The following FTCDNL1 variants were observed in gnomAD, a reference collection of about 807,000 sequenced individuals.
The protein encoded by FTCDNL1 is formiminotransferase N-terminal subdomain-containing protein.
FTCDNL1 carries 11 observed loss-of-function variants against 5.9 expected under a neutral mutation model. That is an observed-to-expected ratio of 1.87 (90% confidence interval 1.18 to 3.10). The LOEUF (loss-of-function observed/expected upper bound fraction) is 3.10, where lower values mean the gene tolerates loss of function less well. FTCDNL1 is among the 30% of genes most tolerant of loss of function. The pLI is 0.00. For synonymous variants in FTCDNL1, 58 were observed against 24.8 expected, an observed-to-expected ratio of 2.34 and a Z score of -3.99; for missense variants, 115 against 65.5, an observed-to-expected ratio of 1.76 and a Z score of -2.61.
At chr2:199,675,863 A>T in the FTCDNL1 span, among the ~76,000 whole-genome samples, 1 of 152,136 alleles carries the variant, frequency 6.6e-6, no homozygotes, top group African/African-American at 2.4e-5. Context: ...GGATCCTCCC[A>T]CCTTAGCCTC....
At chr2:199,740,548 A>G in the FTCDNL1 span, among the ~76,000 whole-genome samples, 7 of 152,184 alleles carry the variant, frequency 4.6e-5, no homozygotes, top group Non-Finnish European at 1.0e-4. Context: ...AGGACATTCC[A>G]TAGGTGCCCT....
the FTCDNL1 span, among the ~76,000 whole-genome samples, chr2:199,740,789 G>A: frequency 6.6e-6 from 1 of 152,210 alleles, no homozygotes. Context: ...CGAAAGGGAG[G>A]TGGCAGTCCT....
intron 3 of FTCDNL1, among the ~76,000 whole-genome samples, chr2:199,764,250 T>G (rs187191591): frequency 9.1e-4 from 138 of 152,284 alleles, no homozygotes; most frequent in Non-Finnish European, 1.7e-3. Context: ...CACTACCAAA[T>G]TACTAAAACA....
the FTCDNL1 span, among the ~76,000 whole-genome samples, chr2:199,735,115 G>GGAAAAAA: frequency 1.2e-5 from 1 of 81,600 alleles, no homozygotes; most frequent in Non-Finnish European, 2.4e-5. Flanking sequence ...ACTACCTTTA[G>GGAAAAAA]AAAAAAAAAA....
chr2:199,755,891 C>CT (rs754004205), downstream of FTCDNL1, among the ~76,000 whole-genome samples: 35 of 152,316 alleles, frequency 2.3e-4, no homozygotes, highest in Non-Finnish European at 3.7e-4. Context: ...TAAATATTAG[C>CT]TTCTGTTATT....
the FTCDNL1 span, among the ~76,000 whole-genome samples, chr2:199,677,094 T>G: frequency 6.6e-6 from 1 of 152,216 alleles, no homozygotes; most frequent in Non-Finnish European, 1.5e-5. Flanking sequence ...CGTGTTGAGG[T>G]ACTACGGAGT....
chr2:199,770,806 T>C (rs149892331), intron 3 of FTCDNL1, among the ~76,000 whole-genome samples: 1 of 152,232 alleles, frequency 6.6e-6, no homozygotes, highest in African/African-American at 2.4e-5. Flanking sequence ...AGCTACATGC[T>C]GAATAGAAAA....
the FTCDNL1 span, among the ~76,000 whole-genome samples, chr2:199,747,062 CACAT>C: frequency 1.2e-3 from 162 of 131,614 alleles, 1 homozygote; most frequent in African/African-American, 3.2e-3. Flanking sequence ...CACACACACA[CACAT>C]ACACACACAA....
chr2:199,711,835 G>C, the FTCDNL1 span, among the ~76,000 whole-genome samples: 2 of 152,234 alleles, frequency 1.3e-5, no homozygotes, highest in East Asian at 1.9e-4. Flanking sequence ...TGGAATTAGA[G>C]AGTCATGATG....
chr2:199,706,508 A>G, the FTCDNL1 span, among the ~76,000 whole-genome samples: 1 of 152,334 alleles, frequency 6.6e-6, no homozygotes, highest in Non-Finnish European at 1.5e-5. Context: ...CATTTTAACT[A>G]CAGATGGAGG....
At chr2:199,709,335 A>G in the FTCDNL1 span, among the ~76,000 whole-genome samples, 1 of 152,216 alleles carries the variant, frequency 6.6e-6, no homozygotes, top group African/African-American at 2.4e-5. Context: ...TTGTATGGGG[A>G]TAATGCTCCT....
At chr2:199,676,070 A>G in the FTCDNL1 span, among the ~76,000 whole-genome samples, 5,097 of 152,288 alleles carry the variant, frequency 0.033, 268 homozygotes, top group African/African-American at 0.12. Context: ...TTTTAAGGAC[A>G]CATCTCAGAA....
At chr2:199,773,802 A>G (rs1698930526) in intron 3 of FTCDNL1, among the ~76,000 whole-genome samples, 2 of 152,128 alleles carry the variant, frequency 1.3e-5, no homozygotes, top group Admixed American at 1.3e-4. Context: ...TCATTATGAT[A>G]ATTGCATTGC....
At chr2:199,797,693 AG>A (rs1183950562) in intron 3 of FTCDNL1, among the ~76,000 whole-genome samples, 1 of 152,196 alleles carries the variant, frequency 6.6e-6, no homozygotes, top group Non-Finnish European at 1.5e-5. Context: ...CTGCATTTCA[AG>A]TGTTTGAGAG....
At chr2:199,752,748 G>C in the FTCDNL1 span, among the ~76,000 whole-genome samples, 33 of 61,680 alleles carry the variant, frequency 5.4e-4, no homozygotes, top group African/African-American at 1.3e-3. Context: ...CTCTGTGTGT[G>C]TGTGTGTGTG....
intron 3 of FTCDNL1, among the ~76,000 whole-genome samples, chr2:199,802,607 A>G (rs1231062613): frequency 6.6e-6 from 1 of 152,164 alleles, no homozygotes; most frequent in Non-Finnish European, 1.5e-5. Context: ...TGATTTAAAT[A>G]CTGATGGGGA....
chr2:199,836,600 C>T (rs573858892), intron 3 of FTCDNL1, among the ~76,000 whole-genome samples: 1 of 152,052 alleles, frequency 6.6e-6, no homozygotes, highest in Non-Finnish European at 1.5e-5. Context: ...AGACCCCATC[C>T]TACAAAAAAT....
rs201417430 is a variant in FTCDNL1, at chr2:199,776,927, T to TAC, written c.212-16094_212-16093dup. 9.1e-3 allele frequency among the ~76,000 whole-genome samples: 1,338 copies of TAC among 147,528 alleles called. 24 individuals are homozygous for TAC. Among genetic ancestry groups the TAC allele is most frequent in the African/African-American group, 0.03 (1,177 of 39,634 alleles). ...TAATATATGTGTATGTATATATATA[T>TAC]ACACACACACACACACAGAGATGTG... On this transcript the variant is annotated intron_variant, in intron 3 of 3. Transcript: ENST00000416668.
the FTCDNL1 span, among the ~76,000 whole-genome samples, chr2:199,691,621 C>T: frequency 2.0e-5 from 3 of 152,148 alleles, no homozygotes; most frequent in African/African-American, 7.2e-5. Flanking sequence ...TGCTCCCTTT[C>T]CCAGAATTTC....
Sources: allele counts gnomAD v4.1 joint callset (sites outside exome capture counted in the v4.1 genomes callset), GRCh38; gene constraint gnomAD v4.1.1; transcripts MANE v1.5; gene names NCBI Gene and HGNC (gene_info 2026-07-23, HGNC 2026-07-21).